BANK1: variants seen among roughly 807,000 people sequenced by gnomAD.
BANK1 encodes the protein B cell scaffold protein with ankyrin repeats 1, also known as B-cell scaffold protein with ankyrin repeats.
Under a neutral mutation model 94.5 loss-of-function variants are expected in BANK1, and 95 were observed. That is an observed-to-expected ratio of 1.00 (90% CI 0.85 to 1.19). BANK1 has a LOEUF of 1.19. Ranked by LOEUF, BANK1 falls within the 50% of genes most tolerant of loss-of-function variation. The probability of loss-of-function intolerance (pLI) is 0.00; values close to 1 mark genes in which losing one functional copy is unlikely to be tolerated. For missense variants in BANK1, 987 were observed against 932.2 expected (o/e 1.06, Z -0.77); for synonymous variants, 334 against 308.4 (o/e 1.08, Z -0.87).
rs558730322 is a variant in BANK1, at chr4:101,840,246, G to A, written c.469+10040G>A. Among the ~76,000 whole-genome samples the A allele has an allele frequency of 1.1e-4, 16 of 151,978 alleles. No homozygotes were observed. In the East Asian group the frequency reaches 1.7e-3, roughly 17 times the overall value. ...GCCTCCCGAAGTGCTGGCATCACAG[G>A]CGTGAGCCACCGCGCCCGGCCAAAT... On this transcript the variant is annotated intron_variant, in intron 2 of 16. Coordinates refer to ENST00000322953, the MANE Select transcript of BANK1 (RefSeq NM_017935.5).
intron 7 of BANK1, among the ~76,000 whole-genome samples, chr4:101,988,433 T>A (rs1033885468): frequency 5.3e-5 from 8 of 152,216 alleles, no homozygotes; most frequent in African/African-American, 1.9e-4. Flanking sequence ...GTTCTGTTTT[T>A]GTTATTGTTG....
At chr4:101,846,998 T>A (rs188766126) in intron 2 of BANK1, among the ~76,000 whole-genome samples, 4 of 152,302 alleles carry the variant, frequency 2.6e-5, no homozygotes, top group Admixed American at 2.6e-4. Flanking sequence ...TCACCCTCCC[T>A]GTCAGCATCT....
At chr4:102,069,333 G>A (rs746107261) in intron 13 of BANK1, among the ~76,000 whole-genome samples, 23 of 152,276 alleles carry the variant, frequency 1.5e-4, no homozygotes, top group East Asian at 7.7e-4. Flanking sequence ...TAGTACCCAC[G>A]TCTTAGTTTA....
At chr4:102,045,172 G>A (rs1329108701) in intron 11 of BANK1, among the ~76,000 whole-genome samples, 9 of 151,972 alleles carry the variant, frequency 5.9e-5, no homozygotes, top group African/African-American at 1.2e-4. Context: ...TAGGTCTAAC[G>A]TTTAAGCCTT....
intron 2 of BANK1, among the ~76,000 whole-genome samples, chr4:101,835,346 C>G (rs767246027): frequency 6.6e-6 from 1 of 152,184 alleles, no homozygotes; most frequent in Non-Finnish European, 1.5e-5. Context: ...ACTCTGCCCC[C>G]GTCACTTCTG....
intron 5 of BANK1, among the ~76,000 whole-genome samples, chr4:101,872,628 T>C (rs1410106393): frequency 2.0e-5 from 3 of 152,156 alleles, no homozygotes; most frequent in Non-Finnish European, 4.4e-5. Context: ...ACTGTGTTTC[T>C]CCTTCAGGGC....
Position 102,073,772 on chromosome 4 carries a change from T to G in BANK1, c.*5+24T>G, listed in dbSNP as rs775369885. ...AGGTAAAATATTAGCTGTGTATATT[T>G]TTTAGAAAATCTAAAGCAGCCTTGT... On this transcript the variant is annotated intron_variant, in intron 16 of 16. Coordinates refer to ENST00000322953, the MANE Select transcript of BANK1 (RefSeq NM_017935.5). 4 of 1,577,384 alleles carry G rather than the reference T, an allele frequency of 2.5e-6. No homozygotes were observed. The African/African-American group carries it at 5.5e-5, about 22-fold the overall frequency.
intron 1 of BANK1, among the ~76,000 whole-genome samples, chr4:101,802,418 A>G (rs1725385496): frequency 6.6e-6 from 1 of 152,248 alleles, no homozygotes; most frequent in Non-Finnish European, 1.5e-5. Flanking sequence ...AATAGTAGAA[A>G]GCTTCCATTA....
At chr4:101,958,327 A>G (rs1724436947) in intron 7 of BANK1, among the ~76,000 whole-genome samples, 1 of 152,156 alleles carries the variant, frequency 6.6e-6, no homozygotes, top group African/African-American at 2.4e-5. Context: ...GTTGCTACAC[A>G]GTTTTCCAAA....
intron 7 of BANK1, among the ~76,000 whole-genome samples, chr4:101,996,187 C>T (rs1478378537): frequency 1.3e-5 from 2 of 152,176 alleles, no homozygotes; most frequent in Admixed American, 6.5e-5. Context: ...AATAGGGAAT[C>T]CTTTCCCCAT....
intron 1 of BANK1, chr4:101,814,000 T>C: frequency 1.6e-6 from 1 of 628,576 alleles, no homozygotes; most frequent in East Asian, 1.4e-4. Flanking sequence ...ATACGTATGA[T>C]ATAAATTTTG....
At chr4:102,071,331 T>G in intron 14 of BANK1, 27 bp downstream of exon 14, 1 of 1,608,484 alleles carries the variant, frequency 6.2e-7, no homozygotes, top group Non-Finnish European at 8.5e-7. Context: ...TATTGAAGGA[T>G]CTAAGACTAA....
At chr4:101,965,852 T>C (rs1724732925) in intron 7 of BANK1, among the ~76,000 whole-genome samples, 1 of 152,112 alleles carries the variant, frequency 6.6e-6, no homozygotes, top group South Asian at 2.1e-4. Flanking sequence ...TTTCATTTGA[T>C]AATAGTGTGA....
intron 7 of BANK1, among the ~76,000 whole-genome samples, chr4:101,982,315 A>C (rs1018616161): frequency 6.6e-6 from 1 of 151,850 alleles, no homozygotes; most frequent in Non-Finnish European, 1.5e-5. Context: ...TTAACAACCC[A>C]TATAAATTGG....
At chr4:102,012,335 T>C (rs1726537181) in intron 7 of BANK1, among the ~76,000 whole-genome samples, 1 of 152,182 alleles carries the variant, frequency 6.6e-6, no homozygotes, top group Non-Finnish European at 1.5e-5. Flanking sequence ...ATGTTTTCAC[T>C]GAATTTACAA....
chr4:102,048,679 C>T (rs1014219049), intron 11 of BANK1, among the ~76,000 whole-genome samples: 3 of 152,130 alleles, frequency 2.0e-5, no homozygotes, highest in Non-Finnish European at 4.4e-5. Context: ...TTTAACTCTT[C>T]CTCTATATGC....
At chr4:101,968,239 G>T (rs1724828791) in intron 7 of BANK1, among the ~76,000 whole-genome samples, 1 of 151,934 alleles carries the variant, frequency 6.6e-6, no homozygotes, top group African/African-American at 2.4e-5. Flanking sequence ...TTAACCTTTG[G>T]GAAGGGAATG....
At chr4:101,811,775 A>C (rs1031399439) in intron 1 of BANK1, among the ~76,000 whole-genome samples, 4 of 152,112 alleles carry the variant, frequency 2.6e-5, no homozygotes, top group African/African-American at 9.6e-5. Flanking sequence ...CTTCCAAGAC[A>C]ATACTTTTAC....
chr4:101,890,416 C>T (rs1019936915), intron 5 of BANK1, among the ~76,000 whole-genome samples: 3 of 151,632 alleles, frequency 2.0e-5, no homozygotes, highest in Non-Finnish European at 4.4e-5. Flanking sequence ...TATAAGGTCC[C>T]TTTCTGTCTC....
Sources: allele counts gnomAD v4.1 joint callset (sites outside exome capture counted in the v4.1 genomes callset), GRCh38; gene constraint gnomAD v4.1.1; transcripts MANE v1.5; gene names NCBI Gene and HGNC (gene_info 2026-07-23, HGNC 2026-07-21).